RAB6A: variants seen among roughly 807,000 people sequenced by gnomAD.
RAB6A encodes RAB6A, member RAS oncogene family.
RAB6A carries 8 observed loss-of-function variants against 32.3 expected under a neutral mutation model. That is an observed-to-expected ratio of 0.25 (90% CI 0.15 to 0.45). RAB6A has a LOEUF of 0.45. Ranked by LOEUF, RAB6A falls within the 20% of genes least tolerant of loss-of-function variation. RAB6A has a pLI of 1.00. For synonymous variants in RAB6A, 73 were observed against 82.1 expected (o/e 0.89, Z 0.60); for missense variants, 104 against 249.4 (o/e 0.42, Z 3.93).
At chr11:73,698,469 G>A (rs947660226) in intron 6 of RAB6A, among the ~76,000 whole-genome samples, 5 of 152,292 alleles carry the variant, frequency 3.3e-5, no homozygotes, top group African/African-American at 1.2e-4. Context: ...TAGGGATATT[G>A]TGAGAATTAA....
chr11:73,726,452 G>A (rs1946222254), intron 2 of RAB6A, among the ~76,000 whole-genome samples: 1 of 151,548 alleles, frequency 6.6e-6, no homozygotes, highest in African/African-American at 2.4e-5. Flanking sequence ...CGTGGTGGCA[G>A]GTGCCTGCAG....
chr11:73,700,214 G>C (rs1295042080), intron 6 of RAB6A, among the ~76,000 whole-genome samples: 1 of 152,164 alleles, frequency 6.6e-6, no homozygotes. Flanking sequence ...AAAGCCAGGT[G>C]AAGGCTAAAG....
intron 6 of RAB6A, among the ~76,000 whole-genome samples, chr11:73,693,601 A>ACAGGCTGG (rs1447628441): frequency 6.7e-6 from 1 of 148,546 alleles, no homozygotes; most frequent in East Asian, 2.0e-4. Flanking sequence ...AAAGAAAGCG[A>ACAGGCTGG]CAGGCTGGGC....
At chr11:73,726,151 G>T (rs2134963716) in intron 2 of RAB6A, among the ~76,000 whole-genome samples, 1 of 152,030 alleles carries the variant, frequency 6.6e-6, no homozygotes, top group East Asian at 1.9e-4. Context: ...CAGGTGTGGT[G>T]GTGCGCATGT....
intron 4 of RAB6A, among the ~76,000 whole-genome samples, chr11:73,717,625 G>C (rs1373346502): frequency 6.6e-6 from 1 of 152,208 alleles, no homozygotes; most frequent in Non-Finnish European, 1.5e-5. Context: ...TGCATTTTTA[G>C]TAGAGATGGA....
chr11:73,678,573 C>T (rs1046748782), intron 7 of RAB6A, among the ~76,000 whole-genome samples: 1 of 149,964 alleles, frequency 6.7e-6, no homozygotes, highest in Non-Finnish European at 1.5e-5. Flanking sequence ...GCTGAGATTG[C>T]GCTGCTGCAC....
chr11:73,695,452 T>G (rs1051531654), intron 6 of RAB6A, among the ~76,000 whole-genome samples: 2 of 152,052 alleles, frequency 1.3e-5, no homozygotes, highest in Admixed American at 1.3e-4. Context: ...CAATCTCGGC[T>G]CACTGCAACC....
intron 1 of RAB6A, among the ~76,000 whole-genome samples, chr11:73,731,822 A>G (rs1314929007): frequency 6.9e-6 from 1 of 144,536 alleles, no homozygotes; most frequent in Non-Finnish European, 1.5e-5. Context: ...GCTCACTGCA[A>G]CCTCCGCCTC....
rs1945289300 is a variant in RAB6A at position 73,677,643 on chromosome 11, T to C, written c.*255A>G. ...AAGAAAAAAATGTTAAGAAAATGTA[T>C]CTAATTTTTAAAGTTATCACTGGAA... On this transcript the variant is annotated 3_prime_UTR_variant, in exon 8 of 8. Transcript: ENST00000336083. The C allele has an allele frequency of 3.4e-6, 3 of 892,288 alleles. No individual in the cohort carries two copies. The highest frequency in any genetic ancestry group is 3.0e-5 in the Admixed American group (1 of 33,620). 55.3% of individuals were successfully genotyped at this position (892,288 alleles called of 1,614,324 possible).
At chr11:73,708,425 T>TA (rs1945885383) in intron 5 of RAB6A, among the ~76,000 whole-genome samples, 1 of 152,204 alleles carries the variant, frequency 6.6e-6, no homozygotes, top group South Asian at 2.1e-4. Context: ...CATCTCAGCC[T>TA]ACCAAAGTGC....
At chr11:73,710,135 T>A (rs1288438898) in intron 5 of RAB6A, among the ~76,000 whole-genome samples, 2 of 1,970 alleles carry the variant, frequency 1.0e-3, no homozygotes, top group Admixed American at 0.022. Flanking sequence ...ATTTTTTGTG[T>A]TTTTTTTTTT....
At chr11:73,746,509 T>TA (rs1179221535) in intron 1 of RAB6A, among the ~76,000 whole-genome samples, 17 of 151,674 alleles carry the variant, frequency 1.1e-4, no homozygotes, top group Middle Eastern at 6.8e-3. Context: ...CTCTGTCTCT[T>TA]AAAAAAAACC....
intron 1 of RAB6A, among the ~76,000 whole-genome samples, chr11:73,755,141 G>A (rs1039325346): frequency 7.2e-5 from 11 of 151,928 alleles, no homozygotes; most frequent in African/African-American, 2.7e-4. Context: ...ATATTGGCCA[G>A]GTTGGTCTCA....
intron 1 of RAB6A, among the ~76,000 whole-genome samples, chr11:73,739,410 G>A (rs1196894549): frequency 6.7e-6 from 1 of 148,634 alleles, no homozygotes; most frequent in African/African-American, 2.5e-5. Context: ...GGGCTCAAGT[G>A]ATCTTCCCGC....
Position 73,677,076 on chromosome 11 carries a change from G to A in RAB6A, c.*822C>T, listed in dbSNP as rs1340087265. 1 of 166,936 alleles carries A rather than the reference G, an allele frequency of 6.0e-6. No individual in the cohort carries two copies. Among genetic ancestry groups the A allele is most frequent in the Non-Finnish European group, 1.5e-5 (1 of 68,118 alleles). 10.3% of individuals were successfully genotyped at this position (166,936 alleles called of 1,614,324 possible). A position where few individuals can be genotyped will look rare whatever the true frequency, so the allele number is the denominator to read the frequency against. On this transcript the variant is annotated 3_prime_UTR_variant, in exon 8 of 8. Transcript: ENST00000336083. The stretch of plus-strand genomic sequence containing the variant: ...TTCATTAGAACTTCATTTTCTTACC[G>A]TGAAGAATTAAATACTAAAAACCTG...
intron 6 of RAB6A, among the ~76,000 whole-genome samples, chr11:73,690,750 T>A (rs1945541975): frequency 1.3e-5 from 2 of 149,384 alleles, no homozygotes; most frequent in African/African-American, 4.9e-5. Flanking sequence ...ATTCCAGGGT[T>A]CTGAGCCCAT....
intron 5 of RAB6A, among the ~76,000 whole-genome samples, chr11:73,714,901 G>C (rs1394205508): frequency 1.3e-5 from 2 of 152,070 alleles, no homozygotes; most frequent in Non-Finnish European, 2.9e-5. Flanking sequence ...AGGTGGTGGA[G>C]GTTGTAATGA....
At chr11:73,760,405 C>T (rs963886344) in intron 1 of RAB6A, among the ~76,000 whole-genome samples, 161 bp downstream of exon 1, 1 of 152,014 alleles carries the variant, frequency 6.6e-6, no homozygotes, top group African/African-American at 2.4e-5. Context: ...CGGCCACTGG[C>T]GAAGAGCCAG....
In RAB6A at chr11:73,726,528, G is replaced by A. The variant is rs1393607048; in HGVS notation, c.129+4237C>T. On this transcript the variant is annotated intron_variant, in intron 2 of 7. Transcript: ENST00000336083. ...ACCTGGGAGGCGGAGCTTGCAGTGA[G>A]CCGAGATTGTGCCACTGCATTCCAG... 5.2e-5 allele frequency among the ~76,000 whole-genome samples: 7 copies of A among 134,958 alleles called. No individual in the cohort carries two copies. The East Asian group carries it at 1.7e-3, about 33-fold the overall frequency. The allele number at this position is 134,958 out of a possible 152,430, so 88.5% of individuals were successfully genotyped here. A position where few individuals can be genotyped will look rare whatever the true frequency, so the allele number is the denominator to read the frequency against.
Sources: allele counts gnomAD v4.1 joint callset (sites outside exome capture counted in the v4.1 genomes callset), GRCh38; gene constraint gnomAD v4.1.1; transcripts MANE v1.5; gene names NCBI Gene and HGNC (gene_info 2026-07-23, HGNC 2026-07-21).